PSAT1: variants seen among roughly 807,000 people sequenced by gnomAD.
PSAT1 encodes the protein phosphoserine aminotransferase.
A neutral mutation model predicts 40.3 loss-of-function variants in PSAT1; 41 were observed. The ratio of observed to expected loss-of-function variants is 1.02; its 90% CI spans 0.79 to 1.32. The LOEUF is 1.32. PSAT1 is among the 40% of genes most tolerant of loss of function. The probability of loss-of-function intolerance (pLI) is 0.00; values close to 1 mark genes in which losing one functional copy is unlikely to be tolerated. For synonymous variants in PSAT1, 147 were observed against 170.5 expected, an observed-to-expected ratio of 0.86 and a Z score of 1.07; for missense variants, 406 against 455.8, an observed-to-expected ratio of 0.89 and a Z score of 0.99.
chr9:78,314,983 G>T (rs1341883756), intron 6 of PSAT1, among the ~76,000 whole-genome samples: 1 of 151,610 alleles, frequency 6.6e-6, no homozygotes, highest in Non-Finnish European at 1.5e-5. Context: ...CTGTGGTTCT[G>T]TGTGGAGGTG....
chr9:78,319,911 T>C (rs2118687935), intron 7 of PSAT1, among the ~76,000 whole-genome samples: 1 of 152,164 alleles, frequency 6.6e-6, no homozygotes, highest in African/African-American at 2.4e-5. Context: ...GCGTGTTTAG[T>C]CCACCTATTT....
rs1488301628 is a variant in PSAT1 at position 78,329,666 on chromosome 9, C to T, written c.*580C>T. On this transcript the variant is annotated 3_prime_UTR_variant, in exon 9 of 9. Coordinates refer to ENST00000376588, the MANE Select transcript of PSAT1 (RefSeq NM_058179.4). ...CAAGGTCTGTTTTTAATACCATATACTTTATATTTCTATACATTTATATTT... is the reference window on the plus strand; with the variant it reads ...CAAGGTCTGTTTTTAATACCATATATTTTATATTTCTATACATTTATATTT... 1 of 154,292 alleles carries T rather than the reference C, an allele frequency of 6.5e-6. No individual in the cohort carries two copies. Among genetic ancestry groups the T allele is most frequent in the East Asian group, 1.9e-4 (1 of 5,240 alleles). The allele number at this position is 154,292 out of a possible 1,614,324, so 9.6% of individuals were successfully genotyped here. A position where few individuals can be genotyped will look rare whatever the true frequency, so the allele number is the denominator to read the frequency against.
intron 8 of PSAT1, among the ~76,000 whole-genome samples, chr9:78,328,708 T>A (rs1359722646): frequency 6.6e-6 from 1 of 152,204 alleles, no homozygotes; most frequent in Admixed American, 6.5e-5. Flanking sequence ...AACTTACCTT[T>A]TCTTCCCCAC....
At chr9:78,314,925 T>C (rs1374760375) in intron 6 of PSAT1, among the ~76,000 whole-genome samples, 4 of 152,042 alleles carry the variant, frequency 2.6e-5, no homozygotes, top group Non-Finnish European at 4.4e-5. Flanking sequence ...GAAGTATTGT[T>C]GGTGACCTGG....
intron 2 of PSAT1, among the ~76,000 whole-genome samples, chr9:78,301,655 G>GA (rs1214678434): frequency 3.3e-5 from 5 of 152,232 alleles, no homozygotes; most frequent in African/African-American, 1.2e-4. Flanking sequence ...CTGTTTGTGA[G>GA]AAAGAGATGG....
intron 7 of PSAT1, among the ~76,000 whole-genome samples, chr9:78,322,076 T>A (rs1828436645): frequency 6.6e-6 from 1 of 151,068 alleles, no homozygotes; most frequent in Non-Finnish European, 1.5e-5. Flanking sequence ...TATAAAGCAA[T>A]TATGATATTC....
chr9:78,325,202 T>C (rs1460687272), intron 7 of PSAT1, among the ~76,000 whole-genome samples: 1 of 152,034 alleles, frequency 6.6e-6, no homozygotes, highest in Non-Finnish European at 1.5e-5. Context: ...AAAAAATGAT[T>C]TTGGTCATCA....
At chr9:78,304,695 A>G in intron 3 of PSAT1, 40 bp from the exon 4 acceptor site, 1 of 1,556,120 alleles carries the variant, frequency 6.4e-7, no homozygotes, top group South Asian at 1.1e-5. Flanking sequence ...CTTTGACCAC[A>G]TGAGTTTATG....
Position 78,327,353 on chromosome 9 carries a change from T to C in PSAT1, c.870-698T>C, listed in dbSNP as rs193029935. On this transcript the variant is annotated intron_variant, in intron 7 of 8. Transcript: ENST00000376588. ...GTGCAAAGAGTCTGTTGTAAACTCT[T>C]GGCCAAAGCCAGTCAAAAGGCCAGC... 4.3e-4 allele frequency among the ~76,000 whole-genome samples: 65 copies of C among 152,252 alleles called. 1 individual carries two copies. Among genetic ancestry groups the C allele is most frequent in the Admixed American group, 2.7e-3 (41 of 15,282 alleles).
rs528161685 is a variant in PSAT1, at chr9:78,328,293, A to G, written c.1007+105A>G. ...GCCTGCTTAGCTTGGAGTAGCAGTTATGTAATTTGTTGGGCCAACCCAGCT... is the reference window on the plus strand; with the variant it reads ...GCCTGCTTAGCTTGGAGTAGCAGTTGTGTAATTTGTTGGGCCAACCCAGCT... On this transcript the variant is annotated intron_variant, in intron 8 of 8. Transcript: ENST00000376588. 46 of 1,456,830 alleles carry G rather than the reference A, an allele frequency of 3.2e-5. No individual in the cohort carries two copies. In the South Asian group the frequency reaches 4.8e-4, roughly 15 times the overall value. The allele number at this position is 1,456,830 out of a possible 1,614,324, so 90.2% of individuals were successfully genotyped here.
At chr9:78,315,170 C>A (rs977424052) in intron 6 of PSAT1, among the ~76,000 whole-genome samples, 1 of 152,176 alleles carries the variant, frequency 6.6e-6, no homozygotes, top group African/African-American at 2.4e-5. Context: ...GCTCTGCAGT[C>A]CCACTCGCAG....
intron 1 of PSAT1, among the ~76,000 whole-genome samples, chr9:78,297,819 C>A (rs75008689): frequency 2.9e-4 from 44 of 152,120 alleles, no homozygotes; most frequent in African/African-American, 9.4e-4. Flanking sequence ...CGTGTGCGTG[C>A]CCCCCTACGC....
At chr9:78,303,431 G>A (rs1419973658) in intron 3 of PSAT1, among the ~76,000 whole-genome samples, 2 of 152,094 alleles carry the variant, frequency 1.3e-5, no homozygotes, top group Admixed American at 1.3e-4. Context: ...TTGACCACAT[G>A]GCTATGAACT....
At chr9:78,297,347 G>A in intron 1 of PSAT1, 77 bp downstream of exon 1, 1 of 1,491,256 alleles carries the variant, frequency 6.7e-7, no homozygotes, top group Non-Finnish European at 9.1e-7. Context: ...ATCCCTGCGT[G>A]TGGCAGTCGG....
At chr9:78,317,908 A>T (rs1009571013) in intron 7 of PSAT1, 104 bp downstream of exon 7, 109 of 1,353,794 alleles carry the variant, frequency 8.1e-5, no homozygotes, top group Non-Finnish European at 1.1e-4. Flanking sequence ...TCTCTGAGAC[A>T]TTAAAATACT....
intron 1 of PSAT1, among the ~76,000 whole-genome samples, chr9:78,299,157 A>C (rs1437302921): frequency 2.0e-5 from 3 of 150,094 alleles, no homozygotes; most frequent in African/African-American, 7.4e-5. Context: ...AAAAAAAAAA[A>C]AAAAAAAAAA....
intron 5 of PSAT1, among the ~76,000 whole-genome samples, chr9:78,306,951 G>T (rs188796579): frequency 2.0e-5 from 3 of 152,298 alleles, no homozygotes; most frequent in African/African-American, 7.2e-5. Context: ...ATGCCCCAGG[G>T]TGCGATGCGG....
rs1460550190 is a variant in PSAT1, at chr9:78,308,453, T to G, written c.610T>G (p.Ser204Ala). The change falls in exon 6 of 9, where the codon TCT becomes GCT. Residue 204 changes from serine (S) to alanine (A), a missense_variant. By Grantham distance (99) the Ser-to-Ala change is moderately conservative. Coordinates refer to ENST00000376588, the MANE Select transcript of PSAT1 (RefSeq NM_058179.4). ...IFAGAQKNVG[S>A]AGVTVVIVRD... ...TGCTGGTGCCCAGAAGAATGTTGGC[T>G]CTGCTGGGGTCACCGTGGTGATTGT... The G allele has an allele frequency of 6.2e-7, 1 of 1,613,910 alleles. No homozygotes were observed. The highest frequency in any genetic ancestry group is 2.2e-5 in the East Asian group (1 of 44,886).
intron 6 of PSAT1, among the ~76,000 whole-genome samples, chr9:78,315,703 G>A (rs543685087): frequency 7.7e-4 from 118 of 152,302 alleles, no homozygotes; most frequent in Non-Finnish European, 1.5e-3. Flanking sequence ...GGGCAGCCCG[G>A]TGTTGGCTTT....
Sources: gnomAD v4.1 joint callset for allele counts (sites outside exome capture counted in the v4.1 genomes callset) on GRCh38, gnomAD v4.1.1 for gene constraint, MANE v1.5 for transcripts, NCBI Gene and HGNC (gene_info 2026-07-23, HGNC 2026-07-21) for gene names.